The following SFXN5 variants were observed in gnomAD, a reference collection of about 807,000 sequenced individuals.
SFXN5 encodes sideroflexin 5, also known as sideroflexin-5.
A neutral mutation model predicts 50.2 loss-of-function variants in SFXN5; 43 were observed. That is an observed-to-expected ratio of 0.86 (90% CI 0.67 to 1.11). The LOEUF (loss-of-function observed/expected upper bound fraction) is 1.11, where lower values mean the gene tolerates loss of function less well. SFXN5 is among the 50% of genes least tolerant of loss of function. The pLI, the probability that SFXN5 is intolerant of heterozygous loss-of-function variation, is 0.00. For missense variants in SFXN5, 463 were observed against 454.1 expected, an observed-to-expected ratio of 1.02 and a Z score of -0.18; for synonymous variants, 203 against 185.8, an observed-to-expected ratio of 1.09 and a Z score of -0.75.
At chr2:72,956,605 G>A (rs1463219986) in intron 13 of SFXN5, among the ~76,000 whole-genome samples, 4 of 152,176 alleles carry the variant, frequency 2.6e-5, no homozygotes, top group East Asian at 1.9e-4. Context: ...CTTGGACAAC[G>A]TACTTAACCT....
chr2:73,007,133 G>A (rs182485247), intron 6 of SFXN5, among the ~76,000 whole-genome samples: 1 of 152,280 alleles, frequency 6.6e-6, no homozygotes, highest in Non-Finnish European at 1.5e-5. Context: ...AAAGGCAGGA[G>A]GGGTAAGGCC....
chr2:73,043,565 T>C (rs1325420462), intron 2 of SFXN5, among the ~76,000 whole-genome samples: 1 of 152,166 alleles, frequency 6.6e-6, no homozygotes, highest in Non-Finnish European at 1.5e-5. Flanking sequence ...CTTTTCTTAC[T>C]TGGAATGGCC....
intron 12 of SFXN5, 57 bp downstream of exon 12, chr2:72,968,391 C>G: frequency 3.9e-6 from 6 of 1,541,004 alleles, no homozygotes; most frequent in Non-Finnish European, 5.3e-6. Context: ...CCGGTTCCCC[C>G]TCCCTCTCCC....
intron 10 of SFXN5, among the ~76,000 whole-genome samples, chr2:72,976,845 C>A (rs111620277): frequency 6.6e-6 from 1 of 152,164 alleles, no homozygotes; most frequent in African/African-American, 2.4e-5. Context: ...AGAAACCATA[C>A]TATAAGATAT....
At chr2:73,044,344 C>G (rs1419914946) in intron 2 of SFXN5, among the ~76,000 whole-genome samples, 2 of 152,228 alleles carry the variant, frequency 1.3e-5, no homozygotes, top group Non-Finnish European at 2.9e-5. Context: ...ACAGGCTGGC[C>G]TTGGACCTTA....
chr2:72,969,855 G>A (rs1450332317), intron 11 of SFXN5, among the ~76,000 whole-genome samples: 2 of 152,098 alleles, frequency 1.3e-5, no homozygotes, highest in Non-Finnish European at 2.9e-5. Context: ...GGTCTGCTTG[G>A]GGCCTTGCTC....
intron 3 of SFXN5, among the ~76,000 whole-genome samples, chr2:73,028,499 C>T (rs992357432): frequency 6.6e-6 from 1 of 152,172 alleles, no homozygotes; most frequent in African/African-American, 2.4e-5. Context: ...CTGCACTTGT[C>T]CCATGAGTGT....
rs12233055 is a variant in SFXN5 at position 72,998,961 on chromosome 2, G to A, written c.522C>T (p.Ala174=). The change falls in exon 9 of 14, where the codon GCC becomes GCT. Residue 174 remains alanine (A), a synonymous_variant. Coordinates refer to ENST00000272433, the MANE Select transcript of SFXN5 (RefSeq NM_144579.3). ...IQGYLGAVIS[A]VSIAVGLNVL... is the part of the protein sequence containing the mutation. ...AGGGAGTACTCACAGCAATGGAGACGGCGCTGATGACAGCTCCCAGGTATC... is the reference window on the plus strand; with the variant it reads ...AGGGAGTACTCACAGCAATGGAGACAGCGCTGATGACAGCTCCCAGGTATC... 0.24 allele frequency: 386,161 copies of A among 1,613,316 alleles called. 50,026 individuals carry two copies. The highest frequency in any genetic ancestry group is 0.53 in the East Asian group (23,558 of 44,862).
At chr2:73,003,261 C>T (rs192306491) in intron 6 of SFXN5, among the ~76,000 whole-genome samples, 4 of 152,314 alleles carry the variant, frequency 2.6e-5, no homozygotes, top group East Asian at 1.9e-4. Context: ...GAGCCCAGCA[C>T]GTCATCCCCT....
chr2:73,015,017 T>A (rs1675972934), intron 6 of SFXN5, among the ~76,000 whole-genome samples: 4 of 152,232 alleles, frequency 2.6e-5, no homozygotes. Context: ...CAGTCATTCT[T>A]ACCCTGTCCA....
At chr2:72,985,679 G>A (rs1395604310) in intron 10 of SFXN5, among the ~76,000 whole-genome samples, 1 of 152,162 alleles carries the variant, frequency 6.6e-6, no homozygotes, top group African/African-American at 2.4e-5. Flanking sequence ...CCTGGATCCC[G>A]CAAGCAAGGA....
chr2:73,036,523 T>A (rs1679005458), intron 3 of SFXN5, among the ~76,000 whole-genome samples: 1 of 152,116 alleles, frequency 6.6e-6, no homozygotes, highest in South Asian at 2.1e-4. Context: ...CCCCTCCTCC[T>A]CAGCTCCCTT....
intron 4 of SFXN5, 58 bp downstream of exon 4, chr2:73,023,130 G>T: frequency 6.4e-7 from 1 of 1,556,232 alleles, no homozygotes; most frequent in Non-Finnish European, 8.8e-7. Context: ...CTGGGACAGG[G>T]CAGGGTGGAG....
intron 3 of SFXN5, among the ~76,000 whole-genome samples, chr2:73,037,313 G>A (rs757263969): frequency 2.0e-5 from 3 of 152,168 alleles, no homozygotes; most frequent in African/African-American, 4.8e-5. Context: ...TTCTGGTGGT[G>A]TAGACAGGAA....
intron 5 of SFXN5, among the ~76,000 whole-genome samples, 183 bp from the exon 6 acceptor site, chr2:73,020,447 G>A (rs1047181674): frequency 1.3e-5 from 2 of 152,108 alleles, no homozygotes; most frequent in Admixed American, 6.5e-5. Flanking sequence ...CCGGGGCTGT[G>A]TCCCCAGCCT....
chr2:72,966,135 T>A (rs1298655385), intron 12 of SFXN5, among the ~76,000 whole-genome samples: 1 of 152,162 alleles, frequency 6.6e-6, no homozygotes, highest in Non-Finnish European at 1.5e-5. Context: ...GACTCCATCC[T>A]CCCTGGGCAG....
At position 73,000,285 on chromosome 2, in the gene SFXN5, G is replaced by C. The variant is rs1002667097; in HGVS notation, c.468+146C>G. 43 of 772,118 alleles carry C rather than the reference G, an allele frequency of 5.6e-5. 1 individual carries two copies. In the African/African-American group the frequency reaches 6.3e-4, roughly 11 times the overall value. The allele number at this position is 772,118 out of a possible 1,614,324, so 47.8% of individuals were successfully genotyped here. On this transcript the variant is annotated intron_variant, in intron 8 of 13. Coordinates refer to ENST00000272433, the MANE Select transcript of SFXN5 (RefSeq NM_144579.3). ...TGTCTGAGTCGGCCACCCACCTGAA[G>C]GGCTGGCATTTTAAATAAGATATCT...
intron 10 of SFXN5, among the ~76,000 whole-genome samples, chr2:72,984,653 G>A (rs10173785): frequency 0.011 from 1,627 of 152,312 alleles, 25 homozygotes; most frequent in African/African-American, 0.036. Flanking sequence ...CGAGGGAGGA[G>A]AGAGGCTTGC....
rs1475118786 is a variant in SFXN5, at chr2:72,945,687, TC to T, written c.946-589del. Among the ~76,000 whole-genome samples, 2 of 151,858 alleles carry T rather than the reference TC, an allele frequency of 1.3e-5. No individual in the cohort carries two copies. The highest frequency in any genetic ancestry group is 4.8e-5 in the African/African-American group (2 of 41,326). ...CTTCAGCTACTCCCTAGCCCAAGGG[TC>T]CCTCCCACGCTGCTGGCAGAAGCCC... On this transcript the variant is annotated intron_variant, in intron 13 of 13. Transcript: ENST00000272433. The surrounding 1 kb of genome is among the most constrained non-coding windows in gnomAD (Gnocchi z 5.8).
Sources: gnomAD v4.1 joint callset for allele counts (sites outside exome capture counted in the v4.1 genomes callset) on GRCh38, gnomAD v4.1.1 for gene constraint, Gnocchi (gnomAD v3.1) non-coding constraint, MANE v1.5 for transcripts, NCBI Gene and HGNC (gene_info 2026-07-23, HGNC 2026-07-21) for gene names.